Variants in MAML3 observed in about 807,000 individuals in gnomAD.
MAML3 encodes mastermind like transcriptional coactivator 3.
Under a neutral mutation model 101.9 loss-of-function variants are expected in MAML3, and 27 were observed. The ratio of observed to expected loss-of-function variants is 0.27; its 90% confidence interval spans 0.20 to 0.37. The LOEUF (loss-of-function observed/expected upper bound fraction) is 0.37, where lower values mean the gene tolerates loss of function less well. Ranked by LOEUF, MAML3 falls within the 10% of genes least tolerant of loss-of-function variation. The pLI is 1.00. For missense variants in MAML3, 1,316 were observed against 1,444.9 expected (o/e 0.91, Z 1.45); for synonymous variants, 501 against 555.9 (o/e 0.90, Z 1.39).
chr4:139,945,654 A>C (rs1733713466), intron 1 of MAML3, among the ~76,000 whole-genome samples: 1 of 152,248 alleles, frequency 6.6e-6, no homozygotes, highest in South Asian at 2.1e-4. Context: ...TGTTTCACTG[A>C]TTTTAAGCAG....
chr4:139,931,392 T>C (rs563340464), intron 1 of MAML3, among the ~76,000 whole-genome samples: 46 of 152,308 alleles, frequency 3.0e-4, no homozygotes, highest in African/African-American at 1.0e-3. Flanking sequence ...CACGACAGGG[T>C]TCCTGCTGTC....
intron 1 of MAML3, among the ~76,000 whole-genome samples, chr4:140,046,447 C>T (rs1727184718): frequency 6.6e-6 from 1 of 152,190 alleles, no homozygotes; most frequent in Non-Finnish European, 1.5e-5. Context: ...GCTCTCCTGA[C>T]TGATAAATAA....
chr4:139,886,661 T>C (rs970436284), intron 2 of MAML3, among the ~76,000 whole-genome samples: 3 of 152,208 alleles, frequency 2.0e-5, no homozygotes, highest in Non-Finnish European at 2.9e-5. Flanking sequence ...TATTTATTTT[T>C]CCAAAATACT....
intron 1 of MAML3, among the ~76,000 whole-genome samples, chr4:140,126,792 TCCAAAACCTAAATTGGCTAGTAA>T (rs974648220): frequency 6.6e-6 from 1 of 152,020 alleles, no homozygotes; most frequent in African/African-American, 2.4e-5. Context: ...ACATCTTCCC[TCCAAAACCTAAATTGGCTAGTAA>T]CACCATTTTC....
At chr4:139,759,002 A>G (rs1389111126) in intron 2 of MAML3, among the ~76,000 whole-genome samples, 1 of 152,208 alleles carries the variant, frequency 6.6e-6, no homozygotes, top group African/African-American at 2.4e-5. Context: ...ATCTGTGAAA[A>G]ATCACAGTGA....
intron 1 of MAML3, among the ~76,000 whole-genome samples, chr4:140,065,919 C>T (rs1481899356): frequency 6.6e-6 from 1 of 152,210 alleles, no homozygotes; most frequent in Non-Finnish European, 1.5e-5. Flanking sequence ...CAATAAATAT[C>T]TGCTCCATGC....
At chr4:140,018,839 A>G (rs1308349567) in intron 1 of MAML3, among the ~76,000 whole-genome samples, 3 of 152,178 alleles carry the variant, frequency 2.0e-5, no homozygotes, top group Non-Finnish European at 2.9e-5. Context: ...TGGGGCACAT[A>G]TATGTTTTCT....
intron 2 of MAML3, among the ~76,000 whole-genome samples, chr4:139,777,690 C>T (rs1417998541): frequency 6.6e-6 from 1 of 152,214 alleles, no homozygotes; most frequent in Admixed American, 6.5e-5. Context: ...TGGTGCCCAG[C>T]CCGGGTGCTT....
At chr4:139,972,993 T>C (rs1734257913) in intron 1 of MAML3, among the ~76,000 whole-genome samples, 1 of 152,230 alleles carries the variant, frequency 6.6e-6, no homozygotes, top group African/African-American at 2.4e-5. Flanking sequence ...TGGATTCTCT[T>C]TCAGTAAGAC....
At chr4:140,015,661 G>A (rs1369236944) in intron 1 of MAML3, among the ~76,000 whole-genome samples, 1 of 152,142 alleles carries the variant, frequency 6.6e-6, no homozygotes. Flanking sequence ...AAAATTAAAA[G>A]TATACAGATG....
At chr4:140,122,801 A>G (rs1045965522) in intron 1 of MAML3, among the ~76,000 whole-genome samples, 1 of 152,042 alleles carries the variant, frequency 6.6e-6, no homozygotes, top group Non-Finnish European at 1.5e-5. Flanking sequence ...CAAAAAAAAA[A>G]AAAAAAAAAA....
At chr4:139,810,623 A>G (rs114897512) in intron 2 of MAML3, among the ~76,000 whole-genome samples, 139 of 152,342 alleles carry the variant, frequency 9.1e-4, no homozygotes, top group African/African-American at 3.2e-3. Context: ...ACTAACACTT[A>G]TGGAGGGCAC....
At chr4:139,816,467 G>C (rs1730894077) in intron 2 of MAML3, among the ~76,000 whole-genome samples, 1 of 152,186 alleles carries the variant, frequency 6.6e-6, no homozygotes, top group African/African-American at 2.4e-5. Context: ...TTCGAACAGA[G>C]TATTGTTTTC....
chr4:140,091,532 C>CA (rs1218380120), intron 1 of MAML3, among the ~76,000 whole-genome samples: 6 of 12,114 alleles, frequency 5.0e-4, no homozygotes, highest in Non-Finnish European at 2.9e-3. Context: ...AACAAAACAA[C>CA]AAAACAAAAA....
Position 140,121,924 on chromosome 4 carries a change from G to A in MAML3, c.468+30936C>T, listed in dbSNP as rs544849130. On this transcript the variant is annotated intron_variant, in intron 1 of 4. Coordinates refer to ENST00000509479, the MANE Select transcript of MAML3 (RefSeq NM_018717.5). ...TTACCTCCATGCTGTTCTTGTGATAGTGAGTTCTCACGAGATCTGATGGTT... is the reference window on the plus strand; with the variant it reads ...TTACCTCCATGCTGTTCTTGTGATAATGAGTTCTCACGAGATCTGATGGTT... Among the ~76,000 whole-genome samples, 432 of 152,238 alleles carry A rather than the reference G, an allele frequency of 2.8e-3. 2 individuals are homozygous for A. Among genetic ancestry groups the A allele is most frequent in the Non-Finnish European group, 4.0e-3 (275 of 68,024 alleles).
At chr4:139,943,001 C>G (rs1233257919) in intron 1 of MAML3, among the ~76,000 whole-genome samples, 2 of 151,896 alleles carry the variant, frequency 1.3e-5, no homozygotes, top group Non-Finnish European at 2.9e-5. Context: ...TGTTTTTGTT[C>G]AACAAAAGCC....
At chr4:139,975,799 G>A (rs1433669065) in intron 1 of MAML3, among the ~76,000 whole-genome samples, 4 of 152,126 alleles carry the variant, frequency 2.6e-5, no homozygotes, top group Non-Finnish European at 5.9e-5. Context: ...TTGGACTAAA[G>A]GAAGGCAATG....
At chr4:140,151,702 G>GA (rs1553981901) in intron 1 of MAML3, among the ~76,000 whole-genome samples, 2 of 148,824 alleles carry the variant, frequency 1.3e-5, no homozygotes, top group Admixed American at 1.3e-4. Flanking sequence ...GGGGGGGGGG[G>GA]CACACACCTT....
intron 1 of MAML3, among the ~76,000 whole-genome samples, chr4:140,067,617 T>G (rs1727560980): frequency 6.6e-6 from 1 of 152,186 alleles, no homozygotes; most frequent in Non-Finnish European, 1.5e-5. Flanking sequence ...AGGCAGCTAA[T>G]TCTATTTGTG....
Sources: gnomAD v4.1 joint callset for allele counts (sites outside exome capture counted in the v4.1 genomes callset) on GRCh38, gnomAD v4.1.1 for gene constraint, MANE v1.5 for transcripts, NCBI Gene and HGNC (gene_info 2026-07-23, HGNC 2026-07-21) for gene names.